The following GPC5 variants were observed in gnomAD, a reference collection of about 807,000 sequenced individuals.
The protein encoded by GPC5 is glypican 5.
A neutral mutation model predicts 53.9 loss-of-function variants in GPC5; 47 were observed. That is an observed-to-expected ratio of 0.87 (90% CI 0.69 to 1.11). The LOEUF is 1.11. Ranked by LOEUF, GPC5 falls within the 50% of genes most tolerant of loss-of-function variation. The pLI is 0.00. For synonymous variants in GPC5, 286 were observed against 263.3 expected (o/e 1.09, Z -0.84); for missense variants, 748 against 713.1 (o/e 1.05, Z -0.56).
intron 7 of GPC5, among the ~76,000 whole-genome samples, chr13:92,677,649 T>C (rs1192134247): frequency 6.6e-6 from 1 of 152,154 alleles, no homozygotes; most frequent in African/African-American, 2.4e-5. Flanking sequence ...GCATCCCACA[T>C]GAAGAAAGAA....
At chr13:92,791,817 A>G (rs568984386) in intron 7 of GPC5, among the ~76,000 whole-genome samples, 1 of 152,236 alleles carries the variant, frequency 6.6e-6, no homozygotes, top group East Asian at 1.9e-4. Flanking sequence ...CATTTACTAC[A>G]TTATTATTTT....
At chr13:91,399,647 C>G (rs2138732410) in intron 1 of GPC5, among the ~76,000 whole-genome samples, 1 of 152,282 alleles carries the variant, frequency 6.6e-6, no homozygotes. Context: ...CTAAAAATCA[C>G]AAACCTGCGA....
At chr13:91,453,309 A>G (rs1881314309) in intron 2 of GPC5, among the ~76,000 whole-genome samples, 1 of 151,984 alleles carries the variant, frequency 6.6e-6, no homozygotes. Flanking sequence ...CCTTTATGCT[A>G]ACAGATACTG....
chr13:92,853,685 A>T (rs1324517504), intron 7 of GPC5, among the ~76,000 whole-genome samples: 1 of 152,176 alleles, frequency 6.6e-6, no homozygotes, highest in Non-Finnish European at 1.5e-5. Flanking sequence ...AGTAAAATGA[A>T]CACTAGAAGA....
intron 7 of GPC5, among the ~76,000 whole-genome samples, chr13:92,196,455 T>G (rs2042257147): frequency 6.6e-6 from 1 of 152,176 alleles, no homozygotes; most frequent in South Asian, 2.1e-4. Context: ...AGTCTAGGTT[T>G]CATTAGCTTT....
At chr13:92,579,986 T>G (rs1883322183) in intron 7 of GPC5, among the ~76,000 whole-genome samples, 1 of 152,206 alleles carries the variant, frequency 6.6e-6, no homozygotes, top group Admixed American at 6.5e-5. Context: ...CTAAAAACTT[T>G]CTCCGTGTTT....
intron 2 of GPC5, among the ~76,000 whole-genome samples, chr13:91,520,337 G>A (rs978674198): frequency 6.6e-6 from 1 of 152,216 alleles, no homozygotes; most frequent in Non-Finnish European, 1.5e-5. Flanking sequence ...GTCCCCAGAT[G>A]TGTGGGTAAA....
At chr13:92,594,515 C>G (rs1311151137) in intron 7 of GPC5, among the ~76,000 whole-genome samples, 1 of 152,180 alleles carries the variant, frequency 6.6e-6, no homozygotes, top group African/African-American at 2.4e-5. Flanking sequence ...AGTGCCCTCC[C>G]ACTGTAAAAC....
intron 6 of GPC5, among the ~76,000 whole-genome samples, chr13:91,975,160 A>C (rs1357529130): frequency 2.0e-5 from 3 of 152,194 alleles, no homozygotes. Flanking sequence ...CTAAAACCAT[A>C]AAAACCCTAG....
chr13:92,810,906 G>C lies in GPC5; in HGVS notation c.1562-55376G>C, dbSNP rs77274958. Among the ~76,000 whole-genome samples, 54 of 151,898 alleles carry C rather than the reference G, an allele frequency of 3.6e-4. No individual in the cohort carries two copies. The East Asian group carries it at 0.01, about 28-fold the overall frequency. On this transcript the variant is annotated intron_variant, in intron 7 of 7. Transcript: ENST00000377067. Reference sequence around the variant, plus strand: ...CAGCTAATTTTTTGTATTTTTAGTAGAGACGGGGTTTCACCGTGTTAGCCA... The same window carrying C: ...CAGCTAATTTTTTGTATTTTTAGTACAGACGGGGTTTCACCGTGTTAGCCA...
chr13:91,543,134 G>T (rs1403744602), intron 2 of GPC5, among the ~76,000 whole-genome samples: 1 of 151,972 alleles, frequency 6.6e-6, no homozygotes, highest in Non-Finnish European at 1.5e-5. Flanking sequence ...GGGATTACAG[G>T]CGTGAGCCAC....
chr13:92,124,248 GAAAAAAAAA>G (rs34042033), intron 6 of GPC5, among the ~76,000 whole-genome samples: 2 of 54,984 alleles, frequency 3.6e-5, no homozygotes, highest in African/African-American at 1.4e-4. Flanking sequence ...CGGACAGAAT[GAAAAAAAAA>G]AAAAAAAAAA....
intron 6 of GPC5, among the ~76,000 whole-genome samples, chr13:91,986,096 T>A (rs2040405149): frequency 7.0e-6 from 1 of 141,960 alleles, no homozygotes; most frequent in East Asian, 2.1e-4. Context: ...GACGGAGTCT[T>A]GCTGTGTCGC....
chr13:92,283,193 T>C (rs2042929295), intron 7 of GPC5, among the ~76,000 whole-genome samples: 2 of 152,172 alleles, frequency 1.3e-5, no homozygotes, highest in Admixed American at 6.5e-5. Context: ...AAGAGCTAAA[T>C]ATCCTAAATA....
intron 7 of GPC5, among the ~76,000 whole-genome samples, chr13:92,739,358 T>A (rs1889025870): frequency 6.6e-6 from 1 of 152,052 alleles, no homozygotes; most frequent in African/African-American, 2.4e-5. Flanking sequence ...ATGAAGAGCA[T>A]GAGGAACAAT....
chr13:91,530,667 G>A (rs1012056551), intron 2 of GPC5, among the ~76,000 whole-genome samples: 4 of 152,074 alleles, frequency 2.6e-5, no homozygotes, highest in Non-Finnish European at 4.4e-5. Flanking sequence ...TTGTGAAATC[G>A]TTACATTTAA....
intron 2 of GPC5, among the ~76,000 whole-genome samples, chr13:91,459,265 A>G (rs894997988): frequency 3.9e-5 from 6 of 152,096 alleles, no homozygotes. Flanking sequence ...ACTATACTCC[A>G]GCTTGGGAGA....
chr13:92,678,778 A>G (rs542851755), intron 7 of GPC5, among the ~76,000 whole-genome samples: 11 of 152,308 alleles, frequency 7.2e-5, no homozygotes, highest in Admixed American at 5.9e-4. Flanking sequence ...AGAATTGACT[A>G]TAGGACAAAG....
chr13:92,825,649 T>C (rs1216026298), intron 7 of GPC5, among the ~76,000 whole-genome samples: 1 of 152,148 alleles, frequency 6.6e-6, no homozygotes. Flanking sequence ...AAGTGCTGTC[T>C]ACTGAGAATT....
Sources: allele counts gnomAD v4.1 joint callset (sites outside exome capture counted in the v4.1 genomes callset), GRCh38; gene constraint gnomAD v4.1.1; transcripts MANE v1.5; gene names NCBI Gene and HGNC (gene_info 2026-07-23, HGNC 2026-07-21).